ERAP1: variants seen among roughly 807,000 people sequenced by gnomAD.
The protein encoded by ERAP1 is adipocyte-derived leucine aminopeptidase.
ERAP1 carries 86 observed loss-of-function variants against 103.7 expected under a neutral mutation model. The observed-to-expected ratio is 0.83, with a 90% CI of 0.70 to 0.99. The LOEUF (loss-of-function observed/expected upper bound fraction) is 0.99, where lower values mean the gene tolerates loss of function less well. Ranked by LOEUF, ERAP1 falls within the 50% of genes least tolerant of loss-of-function variation. The pLI, the probability that ERAP1 is intolerant of heterozygous loss-of-function variation, is 0.00. For missense variants in ERAP1, 1,009 were observed against 1,128.4 expected (o/e 0.89, Z 1.52); for synonymous variants, 398 against 402.4 (o/e 0.99, Z 0.13).
At chr5:96,842,500 A>G in the ERAP1 span, among the ~76,000 whole-genome samples, 1 of 152,278 alleles carries the variant, frequency 6.6e-6, no homozygotes, top group Non-Finnish European at 1.5e-5. Flanking sequence ...GTAAGGTGGT[A>G]TTGCATTGTG....
the ERAP1 span, among the ~76,000 whole-genome samples, chr5:96,831,215 G>A: frequency 6.6e-6 from 1 of 152,086 alleles, no homozygotes; most frequent in Non-Finnish European, 1.5e-5. Context: ...AGAGAGGAGG[G>A]AGGTGCTACA....
rs1581517370 is a variant in ERAP1, at chr5:96,776,304, G to A, written c.*92C>T. On this transcript the variant is annotated 3_prime_UTR_variant, in exon 19 of 19. Transcript: ENST00000443439. ...AGTTGAAGGGAAAAAAGTATCTCCA[G>A]TTGGAGCCAAAACAGCCATCTCTAG... 2.6e-6 allele frequency: 4 copies of A among 1,548,644 alleles called. No individual in the cohort carries two copies. The highest frequency in any genetic ancestry group is 2.0e-5 in the Admixed American group (1 of 50,954).
chr5:96,793,964 A>C lies in ERAP1; in HGVS notation c.920-7T>G. 6.2e-7 allele frequency: 1 copy of C among 1,613,922 alleles called. No homozygotes were observed. On this transcript the variant is annotated splice_polypyrimidine_tract_variant and splice_region_variant and intron_variant, in intron 5 of 18. Transcript: ENST00000443439. The stretch of plus-strand genomic sequence containing the variant: ...TCGGGAATAGCAGCAAGATCTTGGG[A>C]AGGAAGTAATAAAATACATTACCAG...
At chr5:96,763,368 G>C in intron 19 of ERAP1, 1 of 711,022 alleles carries the variant, frequency 1.4e-6, no homozygotes, top group Non-Finnish European at 2.6e-6. Flanking sequence ...GCATGTGCAT[G>C]TGCATGTGTG....
At chr5:96,783,499 CAA>C (rs907786000) in intron 14 of ERAP1, among the ~76,000 whole-genome samples, 11 of 152,058 alleles carry the variant, frequency 7.2e-5, no homozygotes, top group Admixed American at 2.0e-4. Context: ...AAAACAAACT[CAA>C]AGAGAGTTTA....
downstream of ERAP1, chr5:96,771,795 A>C (rs905054771): frequency 9.6e-6 from 7 of 729,684 alleles, no homozygotes; most frequent in Non-Finnish European, 1.7e-5. Context: ...CCTCTTGAGT[A>C]ATTCATGCTC....
At chr5:96,800,789 G>A (rs1212982957) in intron 3 of ERAP1, 73 bp downstream of exon 3, 2 of 1,511,502 alleles carry the variant, frequency 1.3e-6, no homozygotes, top group African/African-American at 1.4e-5. Flanking sequence ...AATGTTGACT[G>A]TCACTGGGCT....
the ERAP1 span, among the ~76,000 whole-genome samples, chr5:96,933,963 T>G: frequency 6.6e-6 from 1 of 152,350 alleles, no homozygotes; most frequent in East Asian, 1.9e-4. Flanking sequence ...AGATAGCAGC[T>G]CTGAGGTATC....
At chr5:96,900,608 G>C in the ERAP1 span, among the ~76,000 whole-genome samples, 1 of 152,042 alleles carries the variant, frequency 6.6e-6, no homozygotes, top group Non-Finnish European at 1.5e-5. Context: ...AGTCATCACA[G>C]GGGAAGAAAG....
At chr5:96,887,369 C>T in the ERAP1 span, among the ~76,000 whole-genome samples, 11 of 148,524 alleles carry the variant, frequency 7.4e-5, no homozygotes, top group African/African-American at 2.7e-4. Context: ...GATGCTATCT[C>T]GGCTCACTGC....
chr5:96,882,047 G>A, the ERAP1 span, among the ~76,000 whole-genome samples: 1 of 152,108 alleles, frequency 6.6e-6, no homozygotes, highest in African/African-American at 2.4e-5. Context: ...GGTGCTCACT[G>A]CACAGCCTGC....
At position 96,775,082 on chromosome 5, in the gene ERAP1, T is replaced by TAAG. The variant is rs1773917159; in HGVS notation, c.*1311_*1313dup. The TAAG allele has an allele frequency of 1.0e-6, 1 of 985,404 alleles. No individual in the cohort carries two copies. Among genetic ancestry groups the TAAG allele is most frequent in the African/African-American group, 1.7e-5 (1 of 57,236 alleles). 61.0% of individuals were successfully genotyped at this position (985,404 alleles called of 1,614,324 possible). A position where few individuals can be genotyped will look rare whatever the true frequency, so the allele number is the denominator to read the frequency against. On this transcript the variant is annotated 3_prime_UTR_variant, in exon 19 of 19. Transcript: ENST00000443439. Reference sequence around the variant, plus strand: ...GCAACAGAGCACACTATGGGTTAGATAAGTCCCTGTGTAGCAAGTTTTCAG... The same window carrying TAAG: ...GCAACAGAGCACACTATGGGTTAGATAAGAAGTCCCTGTGTAGCAAGTTTTCAG...
the ERAP1 span, among the ~76,000 whole-genome samples, chr5:96,829,342 T>C: frequency 6.6e-6 from 1 of 152,232 alleles, no homozygotes; most frequent in East Asian, 1.9e-4. Context: ...ACAGCATTGG[T>C]ACACTGGCAT....
At chr5:96,932,154 G>A in the ERAP1 span, among the ~76,000 whole-genome samples, 6 of 152,212 alleles carry the variant, frequency 3.9e-5, no homozygotes, top group African/African-American at 7.2e-5. Flanking sequence ...ACTAATTAAT[G>A]CAGTGTATGT....
chr5:96,783,818 TACACACACACACACACACACAC>T lies in ERAP1; in HGVS notation c.2100+84_2100+105del, dbSNP rs3076640. Reference sequence around the variant, plus strand: ...CTTTTCCTTAATATGTATATAAAGATACACACACACACACACACACACACACACACACACACATACACACACA... The same window carrying T: ...CTTTTCCTTAATATGTATATAAAGATACACACACACACACATACACACACA... On this transcript the variant is annotated intron_variant, in intron 14 of 18. Coordinates refer to ENST00000443439, the MANE Select transcript of ERAP1 (RefSeq NM_001040458.3). 1.9e-5 allele frequency: 15 copies of T among 803,454 alleles called. 1 individual carries two copies. The Middle Eastern group carries it at 1.0e-3, about 56-fold the overall frequency. The allele number at this position is 803,454 out of a possible 1,614,324, so 49.8% of individuals were successfully genotyped here.
the ERAP1 span, among the ~76,000 whole-genome samples, chr5:96,832,414 C>T: frequency 3.3e-5 from 5 of 152,000 alleles, no homozygotes; most frequent in Non-Finnish European, 7.4e-5. Context: ...AACACCAAGT[C>T]GAATATTTTG....
At chr5:96,780,959 T>C (rs1775082050) in intron 17 of ERAP1, 99 bp downstream of exon 17, 1 of 1,404,582 alleles carries the variant, frequency 7.1e-7, no homozygotes. Flanking sequence ...AATCAAAAAG[T>C]ACCTTTAGAC....
chr5:96,785,702 A>C (rs469876), intron 13 of ERAP1, 86 bp downstream of exon 13: 2 of 1,412,940 alleles, frequency 1.4e-6, no homozygotes, highest in East Asian at 2.3e-5. Context: ...GTTATCAATC[A>C]ATCATTTTTG....
chr5:96,906,140 G>A, the ERAP1 span, among the ~76,000 whole-genome samples: 3 of 151,718 alleles, frequency 2.0e-5, no homozygotes, highest in African/African-American at 7.3e-5. Context: ...GTCATCCAAG[G>A]GCTGTCTCCA....
Sources: allele counts gnomAD v4.1 joint callset (sites outside exome capture counted in the v4.1 genomes callset), GRCh38; gene constraint gnomAD v4.1.1; transcripts MANE v1.5; gene names NCBI Gene and HGNC (gene_info 2026-07-23, HGNC 2026-07-21).